The following DNM3 variants were observed in gnomAD, a reference collection of about 807,000 sequenced individuals.
DNM3 encodes dynamin 3.
Under a neutral mutation model 101.6 loss-of-function variants are expected in DNM3, and 47 were observed. The observed-to-expected ratio is 0.46, with a 90% CI of 0.37 to 0.59. The LOEUF is 0.59. Ranked by LOEUF, DNM3 falls within the 20% of genes least tolerant of loss-of-function variation. The probability of loss-of-function intolerance (pLI) is 0.00; values close to 1 mark genes in which losing one functional copy is unlikely to be tolerated. For synonymous variants in DNM3, 385 were observed against 387.9 expected, an observed-to-expected ratio of 0.99 and a Z score of 0.09; for missense variants, 849 against 1,085.7, an observed-to-expected ratio of 0.78 and a Z score of 3.06.
At chr1:171,974,475 G>A (rs2044234380) in intron 2 of DNM3, among the ~76,000 whole-genome samples, 1 of 152,190 alleles carries the variant, frequency 6.6e-6, no homozygotes, top group Non-Finnish European at 1.5e-5. Flanking sequence ...GTCCTTGTGA[G>A]AGAGTTTTCC....
chr1:171,841,570 A>G lies in DNM3; in HGVS notation c.-87A>G. 1 of 1,492,340 alleles carries G rather than the reference A, an allele frequency of 6.7e-7. No homozygotes were observed. The highest frequency in any genetic ancestry group is 1.2e-5 in the South Asian group (1 of 80,110). 92.4% of individuals were successfully genotyped at this position (1,492,340 alleles called of 1,614,324 possible). On this transcript the variant is annotated 5_prime_UTR_variant, in exon 1 of 21. Transcript: ENST00000627582. ...CCTGGCTGGCTGAGCCCGGCGCAGC[A>G]GCAGCAGCCAGGGCAGCGCGGCCCC...
intron 17 of DNM3, among the ~76,000 whole-genome samples, chr1:172,368,166 A>G (rs1233307835): frequency 6.6e-6 from 1 of 151,964 alleles, no homozygotes; most frequent in Non-Finnish European, 1.5e-5. Context: ...ATAGCTACAG[A>G]ATATGTGCTC....
intron 17 of DNM3, among the ~76,000 whole-genome samples, chr1:172,338,343 T>C (rs1484198036): frequency 6.6e-6 from 1 of 152,128 alleles, no homozygotes; most frequent in Non-Finnish European, 1.5e-5. Flanking sequence ...TTCCTTCCGT[T>C]ACCATTGAGG....
intron 14 of DNM3, among the ~76,000 whole-genome samples, chr1:172,195,344 A>G (rs1262343370): frequency 1.3e-5 from 2 of 151,962 alleles, no homozygotes; most frequent in African/African-American, 4.8e-5. Context: ...CAGAATTTCT[A>G]CATACACAAT....
At chr1:172,180,401 A>T (rs1205707838) in intron 14 of DNM3, among the ~76,000 whole-genome samples, 1 of 152,096 alleles carries the variant, frequency 6.6e-6, no homozygotes, top group Non-Finnish European at 1.5e-5. Context: ...GCCAAAGAAC[A>T]GTGTGTGATT....
At chr1:172,101,279 C>A (rs2054621868) in intron 13 of DNM3, among the ~76,000 whole-genome samples, 1 of 152,154 alleles carries the variant, frequency 6.6e-6, no homozygotes, top group Non-Finnish European at 1.5e-5. Context: ...CCCTATGGTT[C>A]ATTTATTAAT....
chr1:172,351,585 G>A (rs1301723472), intron 17 of DNM3, among the ~76,000 whole-genome samples: 1 of 152,258 alleles, frequency 6.6e-6, no homozygotes, highest in Non-Finnish European at 1.5e-5. Context: ...TCAGGTCTCA[G>A]CTTAGCAGTT....
chr1:171,969,556 T>C (rs959040531), intron 2 of DNM3, among the ~76,000 whole-genome samples: 3 of 152,188 alleles, frequency 2.0e-5, no homozygotes, highest in African/African-American at 7.2e-5. Context: ...AGTCTCTTCA[T>C]TGGGATTCCT....
intron 4 of DNM3, among the ~76,000 whole-genome samples, chr1:172,029,665 T>A (rs1457826683): frequency 6.6e-6 from 1 of 152,202 alleles, no homozygotes; most frequent in Non-Finnish European, 1.5e-5. Context: ...CCCCATCGTC[T>A]CAGCCTGAAA....
At chr1:171,943,022 G>T (rs2041921733) in intron 2 of DNM3, among the ~76,000 whole-genome samples, 1 of 152,068 alleles carries the variant, frequency 6.6e-6, no homozygotes, top group African/African-American at 2.4e-5. Flanking sequence ...TGAGGTCAGG[G>T]GACCACTTGA....
chr1:171,859,309 G>C (rs2033938579), intron 1 of DNM3, among the ~76,000 whole-genome samples: 2 of 152,090 alleles, frequency 1.3e-5, no homozygotes, highest in East Asian at 3.9e-4. Flanking sequence ...ATGTCTCCTA[G>C]GTTTCTTGTC....
chr1:172,341,736 T>C (rs2066695068), intron 17 of DNM3, among the ~76,000 whole-genome samples: 1 of 151,580 alleles, frequency 6.6e-6, no homozygotes, highest in Admixed American at 6.6e-5. Flanking sequence ...TAACTCAAGA[T>C]GGATTAAAGA....
intron 14 of DNM3, among the ~76,000 whole-genome samples, chr1:172,154,234 A>G (rs2058252821): frequency 6.6e-6 from 1 of 152,092 alleles, no homozygotes; most frequent in Non-Finnish European, 1.5e-5. Flanking sequence ...AAGGAGTCAA[A>G]GAAAGAGGAT....
At chr1:171,858,885 CAA>C (rs984532488) in intron 1 of DNM3, among the ~76,000 whole-genome samples, 1 of 152,174 alleles carries the variant, frequency 6.6e-6, no homozygotes, top group African/African-American at 2.4e-5. Context: ...TTAATTCCTA[CAA>C]CCACTGACTG....
intron 2 of DNM3, among the ~76,000 whole-genome samples, chr1:171,960,233 C>CCA (rs2043129486): frequency 1.2e-5 from 1 of 86,050 alleles, no homozygotes; most frequent in Non-Finnish European, 2.6e-5. Flanking sequence ...CCACCTGAGG[C>CCA]TAAGAATGAC....
chr1:172,175,214 A>G (rs1206055879), intron 14 of DNM3, among the ~76,000 whole-genome samples: 4 of 151,794 alleles, frequency 2.6e-5, no homozygotes, highest in Non-Finnish European at 4.4e-5. Context: ...CTTTTGGAAA[A>G]ATAATGAAAA....
Position 172,113,409 on chromosome 1 carries a change from G to A in DNM3, c.1546-17766G>A, listed in dbSNP as rs997476738. Among the ~76,000 whole-genome samples, 5 of 151,910 alleles carry A rather than the reference G, an allele frequency of 3.3e-5. No individual in the cohort carries two copies. In the East Asian group the frequency reaches 9.7e-4, roughly 29 times the overall value. ...TGTACTCAAAGAAACTCAGGAAGTCGGAGTTCGAGATCAGCCTGGCCGACA... is the reference window on the plus strand; with the variant it reads ...TGTACTCAAAGAAACTCAGGAAGTCAGAGTTCGAGATCAGCCTGGCCGACA... On this transcript the variant is annotated intron_variant, in intron 13 of 20. Coordinates refer to ENST00000627582, the MANE Select transcript of DNM3 (RefSeq NM_015569.5).
chr1:172,252,670 G>A (rs1420983346), intron 14 of DNM3, among the ~76,000 whole-genome samples: 1 of 152,038 alleles, frequency 6.6e-6, no homozygotes, highest in Non-Finnish European at 1.5e-5. Flanking sequence ...GTATTTACTA[G>A]GTTTCTTAAA....
intron 14 of DNM3, chr1:172,140,459 ATT>A (rs2057511157): frequency 6.6e-6 from 1 of 151,974 alleles, no homozygotes; most frequent in African/African-American, 2.4e-5. Context: ...ACAGAAAGTA[ATT>A]ATAGAGTGAT....
Sources: allele counts gnomAD v4.1 joint callset (sites outside exome capture counted in the v4.1 genomes callset), GRCh38; gene constraint gnomAD v4.1.1; transcripts MANE v1.5; gene names NCBI Gene and HGNC (gene_info 2026-07-23, HGNC 2026-07-21).